Variants in ATRN observed in about 807,000 individuals in gnomAD.
ATRN encodes attractin-2.
Under a neutral mutation model 178.7 loss-of-function variants are expected in ATRN, and 54 were observed. The observed-to-expected ratio is 0.30, with a 90% CI of 0.24 to 0.38. The LOEUF (loss-of-function observed/expected upper bound fraction) is 0.38, where lower values mean the gene tolerates loss of function less well. Ranked by LOEUF, ATRN falls within the 10% of genes least tolerant of loss-of-function variation. ATRN has a pLI of 1.00. For synonymous variants in ATRN, 636 were observed against 663.0 expected, an observed-to-expected ratio of 0.96 and a Z score of 0.63; for missense variants, 1,443 against 1,815.1, an observed-to-expected ratio of 0.79 and a Z score of 3.73.
At chr20:3,579,283 C>G (rs561093622) in intron 15 of ATRN, among the ~76,000 whole-genome samples, 1 of 152,150 alleles carries the variant, frequency 6.6e-6, no homozygotes, top group South Asian at 2.1e-4. Flanking sequence ...GTCAGGAGTT[C>G]AAGACCAGCC....
At position 3,604,090 on chromosome 20, in the gene ATRN, T is replaced by A. The variant is rs1397808483; in HGVS notation, c.3644-15T>A. On this transcript the variant is annotated splice_polypyrimidine_tract_variant and intron_variant, in intron 23 of 28. Coordinates refer to ENST00000262919, the MANE Select transcript of ATRN (RefSeq NM_139321.3). ...CAAAAAATGTCTCTTCTCTTTCATGTTTTTCTTTTAACAGCTGGAACCCAG... is the reference window on the plus strand; with the variant it reads ...CAAAAAATGTCTCTTCTCTTTCATGATTTTCTTTTAACAGCTGGAACCCAG... 1.9e-6 allele frequency: 3 copies of A among 1,564,108 alleles called. No homozygotes were observed. In the South Asian group the frequency reaches 3.7e-5, roughly 19 times the overall value.
intron 3 of ATRN, among the ~76,000 whole-genome samples, chr20:3,541,066 A>T (rs151524): frequency 0.27 from 39,619 of 147,302 alleles, 5,817 homozygotes; most frequent in African/African-American, 0.33. Context: ...TTCCTTTTAC[A>T]TGATAGAGGA....
intron 3 of ATRN, among the ~76,000 whole-genome samples, chr20:3,545,364 C>CAAAAAA (rs1332216289): frequency 1.2e-5 from 1 of 86,340 alleles, no homozygotes; most frequent in Non-Finnish European, 2.2e-5. Flanking sequence ...AACTCTGTCT[C>CAAAAAA]AAAAAAAAAA....
At chr20:3,591,703 G>T (rs1271957341) in intron 19 of ATRN, among the ~76,000 whole-genome samples, 1 of 152,146 alleles carries the variant, frequency 6.6e-6, no homozygotes, top group Non-Finnish European at 1.5e-5. Flanking sequence ...AGCAGTATAT[G>T]GACACTAAGG....
At chr20:3,515,536 TA>T (rs1227202964) in intron 1 of ATRN, among the ~76,000 whole-genome samples, 1 of 152,210 alleles carries the variant, frequency 6.6e-6, no homozygotes. Context: ...CTGTGAGATT[TA>T]CCTTATGTAC....
chr20:3,535,240 A>C lies in ATRN; in HGVS notation c.411-13A>C. On this transcript the variant is annotated splice_polypyrimidine_tract_variant and intron_variant, in intron 1 of 28. Coordinates refer to ENST00000262919, the MANE Select transcript of ATRN (RefSeq NM_139321.3). ...TAGCAGACTTAAGTTTTCTTTCTTG[A>C]TTTAAATTACAGACTAACTGGATCT... is the stretch of plus-strand genomic sequence containing the variant. 1 of 1,400,346 alleles carries C rather than the reference A, an allele frequency of 7.1e-7. No homozygotes were observed. Among genetic ancestry groups the C allele is most frequent in the East Asian group, 2.6e-5 (1 of 38,314 alleles). 86.7% of individuals were successfully genotyped at this position (1,400,346 alleles called of 1,614,324 possible).
rs1360393992 is a variant in ATRN, at chr20:3,581,999, G to A, written c.2545-136G>A. The A allele has an allele frequency of 3.1e-5, 23 of 745,714 alleles. No individual in the cohort carries two copies. The South Asian group carries it at 3.9e-4, about 13-fold the overall frequency. The allele number at this position is 745,714 out of a possible 1,614,324, so 46.2% of individuals were successfully genotyped here. On this transcript the variant is annotated intron_variant, in intron 15 of 28. Coordinates refer to ENST00000262919, the MANE Select transcript of ATRN (RefSeq NM_139321.3). Reference sequence around the variant, plus strand: ...TCATGCCTATAATCTCAACATTTTGGGAGGCCAAGGTGGGAGGATCACTTG... The same window carrying A: ...TCATGCCTATAATCTCAACATTTTGAGAGGCCAAGGTGGGAGGATCACTTG...
intron 1 of ATRN, among the ~76,000 whole-genome samples, chr20:3,494,162 A>G (rs1382086800): frequency 6.6e-6 from 1 of 152,200 alleles, no homozygotes; most frequent in Non-Finnish European, 1.5e-5. Context: ...TGGTTAGGAA[A>G]AAATAAGTTA....
At position 3,638,930 on chromosome 20, in the gene ATRN, A is replaced by G. The variant is rs773541350; in HGVS notation, c.4045A>G (p.Ile1349Val). The change falls in exon 27 of 29, where the codon ATA (isoleucine) becomes GTA (valine). Residue 1349 changes from isoleucine to valine, a missense_variant. Transcript: ENST00000262919. The surrounding 1 kb of genome is among the most constrained non-coding windows in gnomAD (Gnocchi z 4.5). Reference sequence around the variant, plus strand: ...GCCTCCTGATCTTATTGGGGGGAGTATAAAGGTGAGAATGTGACTCAGAAG... The same window carrying G: ...GCCTCCTGATCTTATTGGGGGGAGTGTAAAGGTGAGAATGTGACTCAGAAG... ...EEPPDLIGGS[I>V]KTVPKPIALE... 1 of 1,613,674 alleles carries G rather than the reference A, an allele frequency of 6.2e-7. No individual in the cohort carries two copies. The highest frequency in any genetic ancestry group is 1.7e-5 in the Admixed American group (1 of 59,984).
At chr20:3,629,761 C>T (rs1030814588) in intron 25 of ATRN, among the ~76,000 whole-genome samples, 3 of 152,140 alleles carry the variant, frequency 2.0e-5, no homozygotes, top group Non-Finnish European at 2.9e-5. Flanking sequence ...GAGCACTATA[C>T]GTAGAATTAC....
intron 5 of ATRN, among the ~76,000 whole-genome samples, 177 bp downstream of exon 5, chr20:3,547,666 G>T (rs189706633): frequency 3.5e-4 from 54 of 152,250 alleles, no homozygotes; most frequent in Non-Finnish European, 5.9e-5. Context: ...TTTCATACAT[G>T]TGTGGTCATG....
intron 11 of ATRN, among the ~76,000 whole-genome samples, chr20:3,570,309 G>C (rs557887676): frequency 6.6e-6 from 1 of 151,986 alleles, no homozygotes; most frequent in African/African-American, 2.4e-5. Context: ...AGAGTTTCCC[G>C]TAGTCCAGAT....
At chr20:3,606,247 A>G (rs549045122) in intron 24 of ATRN, among the ~76,000 whole-genome samples, 25 of 152,184 alleles carry the variant, frequency 1.6e-4, no homozygotes, top group Non-Finnish European at 3.2e-4. Context: ...CTGTCCTGTC[A>G]TAGTGGGCCC....
In ATRN at chr20:3,471,139, G is replaced by C; in HGVS notation, c.32G>C (p.Arg11Thr). 1 of 1,509,366 alleles carries C rather than the reference G, an allele frequency of 6.6e-7. No individual in the cohort carries two copies. The highest frequency in any genetic ancestry group is 8.8e-7 in the Non-Finnish European group (1 of 1,135,716). 93.5% of individuals were successfully genotyped at this position (1,509,366 alleles called of 1,614,324 possible). Reference protein sequence around the residue: MVAAAAATEARLRRRTAATAA... With the variant: MVAAAAATEATLRRRTAATAA... ...GCTGCAGCGGCGGCAACTGAGGCAA[G>C]GCTGAGGAGGAGGACGGCGGCGACG... The change falls in exon 1 of 29, where the codon AGG becomes ACG. Residue 11 changes from arginine (R) to threonine (T), a missense_variant. Physicochemically the swap from Arg to Thr is moderately conservative, Grantham distance 71 (BLOSUM62 -1). Around this residue, in one of 4 missense-constraint regions of ATRN, gnomAD observed 862 missense variants for 972.1 expected, o/e 0.89. Coordinates refer to ENST00000262919, the MANE Select transcript of ATRN (RefSeq NM_139321.3).
At chr20:3,493,867 T>C (rs2084841593) in intron 1 of ATRN, among the ~76,000 whole-genome samples, 1 of 152,188 alleles carries the variant, frequency 6.6e-6, no homozygotes, top group Non-Finnish European at 1.5e-5. Flanking sequence ...GCTTGAAAAT[T>C]TTTGTTGTTG....
At chr20:3,573,786 T>G (rs1035625571) in intron 12 of ATRN, among the ~76,000 whole-genome samples, 1 of 143,116 alleles carries the variant, frequency 7.0e-6, no homozygotes, top group Non-Finnish European at 1.5e-5. Flanking sequence ...TTATTTATTT[T>G]GAGACAGAGT....
intron 27 of ATRN, among the ~76,000 whole-genome samples, chr20:3,640,489 C>T (rs917610941): frequency 6.6e-6 from 1 of 151,990 alleles, no homozygotes; most frequent in African/African-American, 2.4e-5. Context: ...ATTCCAGAAG[C>T]AAAACATATT....
intron 1 of ATRN, among the ~76,000 whole-genome samples, chr20:3,495,445 A>C (rs1012368182): frequency 3.9e-5 from 6 of 152,034 alleles, no homozygotes; most frequent in Non-Finnish European, 8.8e-5. Flanking sequence ...TAATCTGAGA[A>C]CCCTGTATCA....
intron 1 of ATRN, among the ~76,000 whole-genome samples, chr20:3,525,093 C>CA (rs2085346546): frequency 6.6e-6 from 1 of 152,130 alleles, no homozygotes; most frequent in Non-Finnish European, 1.5e-5. Context: ...AAAAACCCTT[C>CA]AAAAAATCAG....
Sources: allele counts gnomAD v4.1 joint callset (sites outside exome capture counted in the v4.1 genomes callset), GRCh38; gene constraint gnomAD v4.1.1; regional missense constraint gnomAD v4.1.1; non-coding constraint Gnocchi (gnomAD v3.1); transcripts MANE v1.5; gene names NCBI Gene and HGNC (gene_info 2026-07-23, HGNC 2026-07-21).